PSD3: variants seen among roughly 807,000 people sequenced by gnomAD.
The protein encoded by PSD3 is pleckstrin and Sec7 domain containing 3, also known as PH and SEC7 domain-containing protein 3.
PSD3 carries 49 observed loss-of-function variants against 105.5 expected under a neutral mutation model. The observed-to-expected ratio is 0.46, with a 90% confidence interval of 0.37 to 0.59. PSD3 has a LOEUF of 0.59. PSD3 is among the 20% of genes least tolerant of loss of function. The pLI, the probability that PSD3 is intolerant of heterozygous loss-of-function variation, is 0.00. For missense variants in PSD3, 1,561 were observed against 1,263.8 expected (o/e 1.24, Z -3.57); for synonymous variants, 557 against 457.8 (o/e 1.22, Z -2.77).
At chr8:18,910,359 C>T (rs1233857576) in intron 2 of PSD3, among the ~76,000 whole-genome samples, 2 of 132,086 alleles carry the variant, frequency 1.5e-5, no homozygotes, top group Non-Finnish European at 3.2e-5. Flanking sequence ...AAATTGGAAA[C>T]CATCATTCTC....
At chr8:18,724,813 GAAAT>G (rs1302364146) in intron 9 of PSD3, among the ~76,000 whole-genome samples, 1 of 151,852 alleles carries the variant, frequency 6.6e-6, no homozygotes, top group Non-Finnish European at 1.5e-5. Context: ...AAGCAGCAAG[GAAAT>G]AACATATAAC....
At chr8:18,629,198 G>A (rs189954967) in intron 11 of PSD3, among the ~76,000 whole-genome samples, 13 of 151,958 alleles carry the variant, frequency 8.6e-5, no homozygotes, top group South Asian at 2.1e-4. Flanking sequence ...CAGGGGTGTC[G>A]GACGTCATTT....
At chr8:18,889,267 T>G (rs1234303986) in intron 2 of PSD3, among the ~76,000 whole-genome samples, 1 of 152,210 alleles carries the variant, frequency 6.6e-6, no homozygotes, top group Non-Finnish European at 1.5e-5. Context: ...GTTTTGTTTG[T>G]ATTGATTATA....
At chr8:18,904,227 T>C (rs1330430627) in intron 2 of PSD3, among the ~76,000 whole-genome samples, 4 of 152,088 alleles carry the variant, frequency 2.6e-5, no homozygotes, top group Admixed American at 1.3e-4. Flanking sequence ...CTAGGTCTTA[T>C]ATAAACTAAC....
At chr8:18,615,501 A>G (rs1805592734) in intron 11 of PSD3, among the ~76,000 whole-genome samples, 1 of 152,204 alleles carries the variant, frequency 6.6e-6, no homozygotes, top group African/African-American at 2.4e-5. Flanking sequence ...TGTCTTGCTG[A>G]GAATTAAAAA....
intron 2 of PSD3, among the ~76,000 whole-genome samples, chr8:18,923,057 G>C (rs73582677): frequency 0.022 from 3,389 of 152,214 alleles, 132 homozygotes; most frequent in African/African-American, 0.077. Flanking sequence ...CCTCCCCAGA[G>C]GTTAGGGGAT....
chr8:18,971,551 T>C (rs1278818981), intron 1 of PSD3, among the ~76,000 whole-genome samples: 1 of 152,174 alleles, frequency 6.6e-6, no homozygotes, highest in East Asian at 1.9e-4. Context: ...GGTAGGGGAA[T>C]GAGGCTGCAG....
At chr8:18,811,655 C>T (rs1353663357) in intron 4 of PSD3, among the ~76,000 whole-genome samples, 3 of 152,056 alleles carry the variant, frequency 2.0e-5, no homozygotes, top group African/African-American at 7.2e-5. Flanking sequence ...GGAGATAAGC[C>T]TTGCAAATAT....
chr8:18,867,845 T>C lies in PSD3; in HGVS notation c.1463A>G (p.Glu488Gly), dbSNP rs1817055819. 1 of 1,614,074 alleles carries C rather than the reference T, an allele frequency of 6.2e-7. No homozygotes were observed. The highest frequency in any genetic ancestry group is 1.3e-5 in the African/African-American group (1 of 74,928). The stretch of plus-strand genomic sequence containing the variant: ...TGTCCTCTCCAAGAACTGACCACCT[T>C]CTTTAATGCGCTGTTGTATCATTGG... Reference protein sequence around the residue: ...LTPMIQQRIKEGGQFLERTSG... With the variant: ...LTPMIQQRIKGGGQFLERTSG... The change falls in exon 4 of 16, where the codon GAA becomes GGA. Residue 488 changes from glutamate to glycine, a missense_variant. Glu to Gly is a moderately conservative substitution (Grantham distance 98). Coordinates refer to ENST00000327040, the MANE Select transcript of PSD3 (RefSeq NM_015310.4).
At chr8:18,571,645 C>G (rs1802147373) in intron 14 of PSD3, among the ~76,000 whole-genome samples, 1 of 152,218 alleles carries the variant, frequency 6.6e-6, no homozygotes. Flanking sequence ...TGATGTACAA[C>G]AGGCACACAA....
chr8:19,049,387 A>G (rs1040493108), intron 1 of PSD3, among the ~76,000 whole-genome samples: 3 of 152,142 alleles, frequency 2.0e-5, no homozygotes, highest in African/African-American at 7.2e-5. Context: ...GTGCCTTTAC[A>G]ATCTATGAGA....
chr8:18,698,967 C>G (rs1459700507), intron 9 of PSD3, among the ~76,000 whole-genome samples: 4 of 152,194 alleles, frequency 2.6e-5, no homozygotes, highest in East Asian at 1.9e-4. Context: ...TATTAATCAT[C>G]TGAAGACCCA....
In PSD3 at chr8:19,021,561, A is replaced by C. The variant is rs1456982361; in HGVS notation, c.324+62645T>G. On this transcript the variant is annotated intron_variant, in intron 1 of 1. Transcript: ENST00000521475. Reference sequence around the variant, plus strand: ...TATTTTATTTGCTTTTTTGTTACAAAAAAAAAAAAAACCCATAGCTTCTTG... The same window carrying C: ...TATTTTATTTGCTTTTTTGTTACAACAAAAAAAAAAACCCATAGCTTCTTG... Among the ~76,000 whole-genome samples, 324 of 124,380 alleles carry C rather than the reference A, an allele frequency of 2.6e-3. 2 individuals are homozygous for C. Among genetic ancestry groups the C allele is most frequent in the African/African-American group, 7.2e-3 (283 of 39,496 alleles). The allele number at this position is 124,380 out of a possible 152,430, so 81.6% of individuals were successfully genotyped here.
In PSD3 at chr8:18,698,507, G is replaced by C. The variant is rs1174873734; in HGVS notation, c.2173-42822C>G. On this transcript the variant is annotated intron_variant, in intron 9 of 15. Transcript: ENST00000327040. The stretch of plus-strand genomic sequence containing the variant: ...GAAGGGAAGAAGAGGTTTGAAGGTG[G>C]AGAAAGGGGGTCATGAATCAAGGAA... Among the ~76,000 whole-genome samples the C allele has an allele frequency of 5.3e-5, 8 of 152,198 alleles. No homozygotes were observed. In the East Asian group the frequency reaches 1.5e-3, roughly 29 times the overall value.
At chr8:18,809,166 T>C (rs1811472543) in intron 4 of PSD3, among the ~76,000 whole-genome samples, 1 of 152,186 alleles carries the variant, frequency 6.6e-6, no homozygotes, top group Non-Finnish European at 1.5e-5. Context: ...TTAGATGCGT[T>C]CTGTAGTTTG....
chr8:18,824,622 C>A (rs1813026518), intron 4 of PSD3, among the ~76,000 whole-genome samples: 1 of 152,168 alleles, frequency 6.6e-6, no homozygotes, highest in Admixed American at 6.5e-5. Flanking sequence ...GCGCAATTCC[C>A]AGAATAAATT....
chr8:18,752,625 T>TATATAA (rs1805684568), intron 9 of PSD3, among the ~76,000 whole-genome samples: 1 of 91,536 alleles, frequency 1.1e-5, no homozygotes, highest in East Asian at 2.9e-4. Context: ...ATAATATATA[T>TATATAA]TATATATAAT....
intron 1 of PSD3, among the ~76,000 whole-genome samples, chr8:18,978,938 C>A (rs1825101320): frequency 6.6e-6 from 1 of 152,036 alleles, no homozygotes; most frequent in Non-Finnish European, 1.5e-5. Flanking sequence ...AGCTTCCAGG[C>A]AGCAGTGAAG....
chr8:18,941,665 C>CCT (rs1822549914), intron 1 of PSD3, among the ~76,000 whole-genome samples: 7 of 107,744 alleles, frequency 6.5e-5, no homozygotes, highest in Non-Finnish European at 1.1e-4. Flanking sequence ...TGTAGAATGA[C>CCT]TTTTTTTTTT....
Sources: gnomAD v4.1 joint callset for allele counts (sites outside exome capture counted in the v4.1 genomes callset) on GRCh38, gnomAD v4.1.1 for gene constraint, MANE v1.5 for transcripts, NCBI Gene and HGNC (gene_info 2026-07-23, HGNC 2026-07-21) for gene names.